ADAMTS2: variants seen among roughly 807,000 people sequenced by gnomAD.
The protein encoded by ADAMTS2 is ADAM metallopeptidase with thrombospondin type 1 motif 2, also known as A disintegrin and metalloproteinase with thrombospondin motifs 2.
ADAMTS2 carries 50 observed loss-of-function variants against 123.0 expected under a neutral mutation model. The observed-to-expected ratio is 0.41, with a 90% CI of 0.32 to 0.51. The LOEUF is 0.51. ADAMTS2 is among the 20% of genes least tolerant of loss of function. ADAMTS2 has a pLI of 0.35. For missense variants in ADAMTS2, 1,494 were observed against 1,705.2 expected (o/e 0.88, Z 2.18); for synonymous variants, 678 against 695.4 (o/e 0.98, Z 0.39).
chr5:179,177,953 A>G (rs1763965184), intron 5 of ADAMTS2, among the ~76,000 whole-genome samples: 1 of 152,174 alleles, frequency 6.6e-6, no homozygotes, highest in Non-Finnish European at 1.5e-5. Flanking sequence ...CAATTACAAA[A>G]TTCTTCTTTT....
intron 13 of ADAMTS2, among the ~76,000 whole-genome samples, chr5:179,135,101 G>A (rs1434491067): frequency 2.4e-5 from 2 of 84,676 alleles, no homozygotes; most frequent in African/African-American, 4.1e-5. Context: ...CCCAGCTCCC[G>A]GCTCCAGCCC....
Position 179,130,177 on chromosome 5 carries a change from G to A in ADAMTS2, c.2291-79C>T, listed in dbSNP as rs898496178. 3.3e-5 allele frequency: 52 copies of A among 1,576,978 alleles called. No homozygotes were observed. In the Admixed American group the frequency reaches 4.1e-4, roughly 12 times the overall value. Reference sequence around the variant, plus strand: ...GGCCCACTGGTTTGGGCTGGTCGGGGAGTGGGGGCAGCTAGCTGGACCCCT... The same window carrying A: ...GGCCCACTGGTTTGGGCTGGTCGGGAAGTGGGGGCAGCTAGCTGGACCCCT... On this transcript the variant is annotated intron_variant, in intron 15 of 21. Transcript: ENST00000251582. The surrounding 1 kb of genome is among the most constrained non-coding windows in gnomAD (Gnocchi z 4.3).
intron 5 of ADAMTS2, among the ~76,000 whole-genome samples, chr5:179,164,600 G>A (rs926592820): frequency 1.3e-5 from 2 of 152,218 alleles, no homozygotes; most frequent in Admixed American, 6.5e-5. Context: ...CGCAGTGCAG[G>A]AAACATGGTC....
intron 10 of ADAMTS2, among the ~76,000 whole-genome samples, chr5:179,142,443 A>C (rs1026938718): frequency 2.6e-5 from 4 of 152,122 alleles, no homozygotes; most frequent in Non-Finnish European, 5.9e-5. Context: ...TACTGGCAAC[A>C]CCCTGCCCCT....
At chr5:179,291,701 T>C (rs1482405780) in intron 2 of ADAMTS2, among the ~76,000 whole-genome samples, 1 of 151,988 alleles carries the variant, frequency 6.6e-6, no homozygotes, top group African/African-American at 2.4e-5. Context: ...AGATGTGTGG[T>C]TCTTCCCTTC....
At chr5:179,121,472 G>A (rs936844115) in intron 21 of ADAMTS2, 189 bp downstream of exon 21, 24 of 465,794 alleles carry the variant, frequency 5.2e-5, no homozygotes, top group Admixed American at 1.8e-4. Flanking sequence ...CCGAGCCCCC[G>A]CCAGCAGGCA....
chr5:179,340,346 T>G (rs961827169), intron 2 of ADAMTS2, among the ~76,000 whole-genome samples: 1 of 152,054 alleles, frequency 6.6e-6, no homozygotes, highest in African/African-American at 2.4e-5. Context: ...CCCCCACCAG[T>G]GAGGACTTAG....
In ADAMTS2 at chr5:179,256,872, C is replaced by T. The variant is rs1377042051; in HGVS notation, c.688+16039G>A. Among the ~76,000 whole-genome samples the T allele has an allele frequency of 6.6e-6, 1 of 152,244 alleles. No homozygotes were observed. Among genetic ancestry groups the T allele is most frequent in the East Asian group, 1.9e-4 (1 of 5,188 alleles). On this transcript the variant is annotated intron_variant, in intron 3 of 21. Transcript: ENST00000251582. This position sits in a 1 kb window ranked among gnomAD's most constrained non-coding sequence, Gnocchi z 4.1. ...AATAAAACATTGCGGGGTGGGGCGGCGAGGCCGCCCAAGAGCTGCAGGGCT... is the reference window on the plus strand; with the variant it reads ...AATAAAACATTGCGGGGTGGGGCGGTGAGGCCGCCCAAGAGCTGCAGGGCT...
chr5:179,245,787 A>AAAAAAAAAAAAAAC (rs1765784074), intron 3 of ADAMTS2, among the ~76,000 whole-genome samples: 2 of 76,176 alleles, frequency 2.6e-5, no homozygotes, highest in African/African-American at 9.2e-5. Context: ...AAAAAAAAAA[A>AAAAAAAAAAAAAAC]AAAAAAAACA....
intron 3 of ADAMTS2, among the ~76,000 whole-genome samples, chr5:179,252,226 T>C (rs1765945077): frequency 6.6e-6 from 1 of 152,098 alleles, no homozygotes; most frequent in South Asian, 2.1e-4. Flanking sequence ...CCCGGGCTGG[T>C]CTCGAACCCC....
intron 5 of ADAMTS2, among the ~76,000 whole-genome samples, chr5:179,171,153 A>C (rs925048367): frequency 6.6e-6 from 1 of 152,114 alleles, no homozygotes; most frequent in Admixed American, 6.5e-5. Context: ...TATGGTACGG[A>C]AGTATTGGTC....
intron 13 of ADAMTS2, among the ~76,000 whole-genome samples, chr5:179,134,977 T>G (rs1407325396): frequency 1.4e-5 from 1 of 69,986 alleles, no homozygotes; most frequent in Non-Finnish European, 2.6e-5. Context: ...AGCCCCCAGC[T>G]CCGGGCCTCT....
At chr5:179,276,163 G>A (rs919008980) in intron 2 of ADAMTS2, among the ~76,000 whole-genome samples, 4 of 152,166 alleles carry the variant, frequency 2.6e-5, no homozygotes, top group African/African-American at 4.8e-5. Flanking sequence ...TGAGCGAACC[G>A]ATGACCCCAA....
chr5:179,143,696 G>C (rs1450394318), intron 10 of ADAMTS2, among the ~76,000 whole-genome samples: 1 of 152,082 alleles, frequency 6.6e-6, no homozygotes, highest in African/African-American at 2.4e-5. Context: ...CCCTGCTGAC[G>C]TGAGGACAAA....
chr5:179,289,234 T>C (rs1418177671), intron 2 of ADAMTS2, among the ~76,000 whole-genome samples: 1 of 152,186 alleles, frequency 6.6e-6, no homozygotes, highest in Non-Finnish European at 1.5e-5. Flanking sequence ...GAAGGTGCTT[T>C]CGGTGGTCAA....
intron 10 of ADAMTS2, among the ~76,000 whole-genome samples, chr5:179,146,029 A>G (rs1223551217): frequency 6.6e-6 from 1 of 151,918 alleles, no homozygotes; most frequent in African/African-American, 2.4e-5. Flanking sequence ...ATTTTTTTGT[A>G]TTTTTAGCAG....
Position 179,184,556 on chromosome 5 carries a change from C to T in ADAMTS2, c.892-3401G>A, listed in dbSNP as rs570901076. Among the ~76,000 whole-genome samples, 4 of 151,878 alleles carry T rather than the reference C, an allele frequency of 2.6e-5. No individual in the cohort carries two copies. In the South Asian group the frequency reaches 8.3e-4, roughly 32 times the overall value. ...AGAATGAAAGAAAGTTGCATTTTTC[C>T]CCACGTTTGAGCCTAAGCGTGTAAA... On this transcript the variant is annotated intron_variant, in intron 4 of 21. Coordinates refer to ENST00000251582, the MANE Select transcript of ADAMTS2 (RefSeq NM_014244.5).
At position 179,175,947 on chromosome 5, in the gene ADAMTS2, G is replaced by A. The variant is rs1763922230; in HGVS notation, c.975+5125C>T. The stretch of plus-strand genomic sequence containing the variant: ...AAAGTTTTCAGAGACCACCTGTACT[G>A]CTCGGACTCTCGGAGGTACACCATG... On this transcript the variant is annotated intron_variant, in intron 5 of 21. Transcript: ENST00000251582. The surrounding 1 kb of genome is among the most constrained non-coding windows in gnomAD (Gnocchi z 4.1). Among the ~76,000 whole-genome samples the A allele has an allele frequency of 6.6e-6, 1 of 151,948 alleles. No homozygotes were observed. The highest frequency in any genetic ancestry group is 2.4e-5 in the African/African-American group (1 of 41,352).
intron 2 of ADAMTS2, among the ~76,000 whole-genome samples, chr5:179,333,606 T>G (rs1437839137): frequency 1.3e-5 from 2 of 148,182 alleles, no homozygotes; most frequent in African/African-American, 2.5e-5. Context: ...GTTTTTTTTT[T>G]TTTTTTTTTT....
Sources: allele counts gnomAD v4.1 joint callset (sites outside exome capture counted in the v4.1 genomes callset), GRCh38; gene constraint gnomAD v4.1.1; non-coding constraint Gnocchi (gnomAD v3.1); transcripts MANE v1.5; gene names NCBI Gene and HGNC (gene_info 2026-07-23, HGNC 2026-07-21).